Variants in ANKS1B observed in about 807,000 individuals in gnomAD.
The protein encoded by ANKS1B is ankyrin repeat and sterile alpha motif domain containing 1B.
Under a neutral mutation model 148.3 loss-of-function variants are expected in ANKS1B, and 36 were observed. The observed-to-expected ratio is 0.24, with a 90% CI of 0.19 to 0.32. The LOEUF is 0.32. ANKS1B is among the 10% of genes least tolerant of loss of function. The pLI, the probability that ANKS1B is intolerant of heterozygous loss-of-function variation, is 1.00. For missense variants in ANKS1B, 1,157 were observed against 1,542.6 expected (o/e 0.75, Z 4.19); for synonymous variants, 542 against 560.8 (o/e 0.97, Z 0.47).
intron 9 of ANKS1B, among the ~76,000 whole-genome samples, chr12:99,625,632 A>T (rs1168637020): frequency 6.6e-6 from 1 of 152,156 alleles, no homozygotes; most frequent in Admixed American, 6.5e-5. Flanking sequence ...TGGTTTTAGG[A>T]TTCTCTTTAA....
At chr12:99,729,086 T>C (rs1166706119) in intron 8 of ANKS1B, among the ~76,000 whole-genome samples, 1 of 152,246 alleles carries the variant, frequency 6.6e-6, no homozygotes, top group African/African-American at 2.4e-5. Flanking sequence ...GATATGCCTG[T>C]GTAAAGCAAC....
chr12:99,952,411 T>C (rs2095243131), intron 1 of ANKS1B, among the ~76,000 whole-genome samples: 1 of 152,230 alleles, frequency 6.6e-6, no homozygotes, highest in Non-Finnish European at 1.5e-5. Context: ...TAGTTCATAA[T>C]AAATTTTAAA....
Position 99,500,141 on chromosome 12 carries a change from C to T in ANKS1B, c.1438+4335G>A, listed in dbSNP as rs571074203. On this transcript the variant is annotated intron_variant, in intron 10 of 26. Coordinates refer to ENST00000683438, the MANE Select transcript of ANKS1B (RefSeq NM_001352186.2). ...TGTGGCAAAAATCTAAGACTCACTCCCTCTCTCTGTGCATGTACAAAGAAG... is the reference window on the plus strand; with the variant it reads ...TGTGGCAAAAATCTAAGACTCACTCTCTCTCTCTGTGCATGTACAAAGAAG... Among the ~76,000 whole-genome samples the T allele has an allele frequency of 1.1e-4, 17 of 152,204 alleles. No homozygotes were observed. The South Asian group carries it at 1.7e-3, about 15-fold the overall frequency.
chr12:99,292,167 A>C (rs913059110), intron 12 of ANKS1B, among the ~76,000 whole-genome samples: 3 of 152,032 alleles, frequency 2.0e-5, no homozygotes, highest in African/African-American at 7.2e-5. Flanking sequence ...GGATCTAATT[A>C]AACTAAAGAG....
At chr12:99,580,167 G>A (rs2097556637) in intron 9 of ANKS1B, among the ~76,000 whole-genome samples, 1 of 152,030 alleles carries the variant, frequency 6.6e-6, no homozygotes, top group Admixed American at 6.6e-5. Flanking sequence ...TAGACACAAA[G>A]CAGGGAACAA....
At chr12:98,837,003 G>A (rs2099367778) in intron 17 of ANKS1B, among the ~76,000 whole-genome samples, 1 of 152,066 alleles carries the variant, frequency 6.6e-6, no homozygotes, top group South Asian at 2.1e-4. Flanking sequence ...ATAAGCATAA[G>A]AATGTGGCTC....
At chr12:99,762,082 T>G (rs1255090280) in intron 8 of ANKS1B, among the ~76,000 whole-genome samples, 1 of 152,056 alleles carries the variant, frequency 6.6e-6, no homozygotes, top group Non-Finnish European at 1.5e-5. Context: ...GCCATGTTCA[T>G]GGGCTGGAAG....
At chr12:99,784,669 C>T (rs2064807550) in intron 4 of ANKS1B, among the ~76,000 whole-genome samples, 1 of 152,162 alleles carries the variant, frequency 6.6e-6, no homozygotes, top group Non-Finnish European at 1.5e-5. Context: ...GCCCCATCCC[C>T]AGAGTTTCTG....
At chr12:99,291,575 C>T (rs949994934) in intron 12 of ANKS1B, among the ~76,000 whole-genome samples, 1 of 152,212 alleles carries the variant, frequency 6.6e-6, no homozygotes, top group African/African-American at 2.4e-5. Flanking sequence ...ACAGAGAACC[C>T]AGAAATAAAT....
chr12:99,534,126 T>C (rs1207084579), intron 9 of ANKS1B, among the ~76,000 whole-genome samples: 1 of 152,208 alleles, frequency 6.6e-6, no homozygotes, highest in Non-Finnish European at 1.5e-5. Flanking sequence ...AACAAAAATA[T>C]TGACAAATAA....
At position 99,399,754 on chromosome 12, in the gene ANKS1B, G is replaced by T. The variant is rs756420128; in HGVS notation, c.1633C>A (p.Gln545Lys). Reference sequence around the variant, plus strand: ...GATGTGTTGATTTCAAAATATTCTTGGTTGTGATTCATTCGGTGAAAATCC... The same window carrying T: ...GATGTGTTGATTTCAAAATATTCTTTGTTGTGATTCATTCGGTGAAAATCC... ...SLDFHRMNHN[Q>K]EYFEINTSTG... Residue 545 changes from glutamine to lysine, a missense_variant, in exon 12 of 27, where the codon CAA (glutamine) becomes AAA (lysine). Around this residue, in one of 6 missense-constraint regions of ANKS1B, gnomAD observed 661 missense variants for 642.1 expected, o/e 1.03. Coordinates refer to ENST00000683438, the MANE Select transcript of ANKS1B (RefSeq NM_001352186.2). The T allele has an allele frequency of 6.2e-6, 10 of 1,613,320 alleles. No homozygotes were observed. The highest frequency in any genetic ancestry group is 8.5e-6 in the Non-Finnish European group (10 of 1,179,506).
At chr12:99,275,123 T>C (rs1214814156) in intron 12 of ANKS1B, among the ~76,000 whole-genome samples, 2 of 152,242 alleles carry the variant, frequency 1.3e-5, no homozygotes, top group Non-Finnish European at 2.9e-5. Context: ...GATACAGCCA[T>C]ATAATGCATA....
intron 14 of ANKS1B, among the ~76,000 whole-genome samples, chr12:99,194,478 T>A (rs2081147696): frequency 6.6e-6 from 1 of 151,934 alleles, no homozygotes; most frequent in Non-Finnish European, 1.5e-5. Context: ...ATAAAACAGA[T>A]CATCAAACTC....
Position 99,711,503 on chromosome 12 carries a change from A to G in ANKS1B, c.1129-56293T>C, listed in dbSNP as rs2056628672. 2.0e-5 allele frequency among the ~76,000 whole-genome samples: 3 copies of G among 152,098 alleles called. No individual in the cohort carries two copies. In the South Asian group the frequency reaches 6.2e-4, roughly 32 times the overall value. On this transcript the variant is annotated intron_variant, in intron 8 of 26. Coordinates refer to ENST00000683438, the MANE Select transcript of ANKS1B (RefSeq NM_001352186.2). ...CCCTCTATGACTTAAACAAAATGAC[A>G]AAAAAGAGCAAACAACCACATTTAA... is the stretch of plus-strand genomic sequence containing the variant.
chr12:99,649,305 T>C (rs1396819919), intron 9 of ANKS1B: 2 of 1,613,960 alleles, frequency 1.2e-6, no homozygotes, highest in Non-Finnish European at 8.5e-7. Flanking sequence ...CCATGAAGTT[T>C]TGTGAAGAGA....
chr12:99,344,191 C>CT (rs2090337934), intron 12 of ANKS1B, among the ~76,000 whole-genome samples: 2 of 151,890 alleles, frequency 1.3e-5, no homozygotes, highest in African/African-American at 2.4e-5. Flanking sequence ...CTACACAAAC[C>CT]ACTGTGTGTG....
At chr12:99,438,496 T>A (rs887220890) in intron 11 of ANKS1B, among the ~76,000 whole-genome samples, 1 of 151,824 alleles carries the variant, frequency 6.6e-6, no homozygotes, top group Non-Finnish European at 1.5e-5. Context: ...AAAATAAACA[T>A]CTGTTCAATT....
intron 12 of ANKS1B, among the ~76,000 whole-genome samples, chr12:99,285,713 C>T (rs184076997): frequency 3.0e-4 from 45 of 152,236 alleles, no homozygotes; most frequent in African/African-American, 1.1e-3. Context: ...CATCCCCTGG[C>T]AGTGACTGTG....
At chr12:98,913,846 GTCTTGAAC>G (rs1189172273) in intron 17 of ANKS1B, among the ~76,000 whole-genome samples, 1 of 152,124 alleles carries the variant, frequency 6.6e-6, no homozygotes, top group Non-Finnish European at 1.5e-5. Flanking sequence ...GGCCAGGCTG[GTCTTGAAC>G]TCTTGACCTC....
Sources: gnomAD v4.1 joint callset for allele counts (sites outside exome capture counted in the v4.1 genomes callset) on GRCh38, gnomAD v4.1.1 for gene constraint, gnomAD v4.1.1 regional missense constraint, MANE v1.5 for transcripts, NCBI Gene and HGNC (gene_info 2026-07-23, HGNC 2026-07-21) for gene names.